Variants in ADGRL3 observed in about 807,000 individuals in gnomAD.
ADGRL3 encodes adhesion G protein-coupled receptor L3.
A neutral mutation model predicts 153.5 loss-of-function variants in ADGRL3; 62 were observed. The ratio of observed to expected loss-of-function variants is 0.40; its 90% CI spans 0.33 to 0.50. The LOEUF (loss-of-function observed/expected upper bound fraction) is 0.50, where lower values mean the gene tolerates loss of function less well. Among genes scored for constraint, ADGRL3 ranks in the 20% least tolerant of loss-of-function variants. ADGRL3 has a pLI of 0.47. For synonymous variants in ADGRL3, 710 were observed against 672.5 expected (o/e 1.06, Z -0.86); for missense variants, 1,641 against 1,859.4 (o/e 0.88, Z 2.16).
intron 1 of ADGRL3, among the ~76,000 whole-genome samples, chr4:61,326,121 C>A (rs2095458664): frequency 6.6e-6 from 1 of 151,998 alleles, no homozygotes; most frequent in Non-Finnish European, 1.5e-5. Flanking sequence ...TTACTCATTC[C>A]CTTGAGTGAG....
chr4:61,739,359 T>G (rs1370291692), intron 8 of ADGRL3, among the ~76,000 whole-genome samples: 1 of 151,726 alleles, frequency 6.6e-6, no homozygotes, highest in Non-Finnish European at 1.5e-5. Flanking sequence ...CAGGCTGGAG[T>G]GCAGTGCCAC....
intron 1 of ADGRL3, among the ~76,000 whole-genome samples, chr4:61,348,012 A>C (rs1228029106): frequency 6.6e-6 from 1 of 152,112 alleles, no homozygotes; most frequent in Non-Finnish European, 1.5e-5. Context: ...AAGGCAGACA[A>C]GGTGACTTGT....
intron 1 of ADGRL3, among the ~76,000 whole-genome samples, chr4:61,295,075 T>C (rs1206962582): frequency 6.6e-6 from 1 of 152,168 alleles, no homozygotes; most frequent in Admixed American, 6.6e-5. Flanking sequence ...AGTAGTGTGA[T>C]GAAATCTCAC....
chr4:61,218,345 C>G (rs1376737486), intron 1 of ADGRL3, among the ~76,000 whole-genome samples: 5 of 151,480 alleles, frequency 3.3e-5, no homozygotes, highest in Admixed American at 3.3e-4. Flanking sequence ...GCGTCTTGCT[C>G]TGTCACCCAG....
chr4:61,796,469 A>C (rs1401798541), intron 8 of ADGRL3, among the ~76,000 whole-genome samples: 1 of 152,176 alleles, frequency 6.6e-6, no homozygotes, highest in African/African-American at 2.4e-5. Flanking sequence ...CAGAAACTGA[A>C]GTCAGAGCTC....
At chr4:61,959,035 T>C (rs1358754715) in intron 17 of ADGRL3, among the ~76,000 whole-genome samples, 2 of 152,178 alleles carry the variant, frequency 1.3e-5, no homozygotes, top group Non-Finnish European at 2.9e-5. Context: ...GTAATGTAAT[T>C]GTATACTTAA....
intron 6 of ADGRL3, among the ~76,000 whole-genome samples, chr4:61,696,336 A>C (rs1041390662): frequency 6.6e-6 from 1 of 152,268 alleles, no homozygotes; most frequent in East Asian, 1.9e-4. Context: ...TTTCCTGCCC[A>C]GGAACTGGTA....
intron 5 of ADGRL3, among the ~76,000 whole-genome samples, chr4:61,626,457 C>G (rs2092835018): frequency 6.6e-6 from 1 of 151,878 alleles, no homozygotes; most frequent in African/African-American, 2.4e-5. Flanking sequence ...ATTTAATATC[C>G]TATTAGTACT....
intron 8 of ADGRL3, among the ~76,000 whole-genome samples, chr4:61,757,752 G>A (rs1481473525): frequency 6.6e-6 from 1 of 152,036 alleles, no homozygotes; most frequent in Admixed American, 6.6e-5. Context: ...TCTCTTGTGG[G>A]CATTTAGTGG....
chr4:61,504,604 C>A (rs2098415143), intron 3 of ADGRL3, among the ~76,000 whole-genome samples: 1 of 152,168 alleles, frequency 6.6e-6, no homozygotes, highest in African/African-American at 2.4e-5. Flanking sequence ...CTTATTCCCT[C>A]TACCTAACAG....
At chr4:61,280,625 A>G (rs531880645) in intron 1 of ADGRL3, among the ~76,000 whole-genome samples, 1 of 152,230 alleles carries the variant, frequency 6.6e-6, no homozygotes, top group East Asian at 1.9e-4. Flanking sequence ...TGAGAAAATT[A>G]TTTCAGAGTA....
intron 9 of ADGRL3, among the ~76,000 whole-genome samples, chr4:61,824,354 T>A (rs975756716): frequency 2.0e-5 from 3 of 152,134 alleles, no homozygotes; most frequent in African/African-American, 7.2e-5. Context: ...AAAATCATAC[T>A]GCAAAAAGAG....
In ADGRL3 at chr4:61,733,539, C is replaced by G; in HGVS notation, c.1384C>G (p.Leu462Val). ...GAAATATTCTTTGGATTTTGGACCT[C>G]TGGATAGTAGATCAGGTAAGTTCAA... ...VVKYSLDFGP[L>V]DSRSGQAHHG... Residue 462 changes from leucine (L) to valine (V), a missense_variant, in exon 8 of 27, where the codon CTG becomes GTG. Around this residue, in one of 5 missense-constraint regions of ADGRL3, gnomAD observed 734 missense variants for 797.0 expected, o/e 0.92. Transcript: ENST00000683033. 1 of 1,611,608 alleles carries G rather than the reference C, an allele frequency of 6.2e-7. No individual in the cohort carries two copies. The highest frequency in any genetic ancestry group is 8.5e-7 in the Non-Finnish European group (1 of 1,178,356).
rs58524193 is a variant in ADGRL3, at chr4:61,983,808, A to C, written c.3236+205A>C. ...CATGATGCTGTTTTAAAACAGCGTA[A>C]TTTTTCTACATCTACATCATAACCT... On this transcript the variant is annotated intron_variant, in intron 19 of 26. Transcript: ENST00000683033. Among the ~76,000 whole-genome samples the C allele has an allele frequency of 3.4e-4, 52 of 152,264 alleles. No individual in the cohort carries two copies. The East Asian group carries it at 7.7e-3, about 23-fold the overall frequency.
At chr4:61,775,513 T>C (rs1264311508) in intron 8 of ADGRL3, 4 of 754,052 alleles carry the variant, frequency 5.3e-6, no homozygotes, top group Admixed American at 3.4e-5. Context: ...GCCATAGTCC[T>C]TAACTACTGC....
chr4:61,731,510 T>A (rs1410887903), intron 7 of ADGRL3, among the ~76,000 whole-genome samples: 1 of 152,116 alleles, frequency 6.6e-6, no homozygotes, highest in Non-Finnish European at 1.5e-5. Flanking sequence ...TTCAGTGTGT[T>A]TGCTTTGCAA....
intron 5 of ADGRL3, among the ~76,000 whole-genome samples, chr4:61,651,459 T>C (rs1444021195): frequency 6.6e-6 from 1 of 152,228 alleles, no homozygotes; most frequent in Non-Finnish European, 1.5e-5. Context: ...TCCTTAGTTT[T>C]GAAAATATAT....
chr4:61,563,079 C>T (rs540219150), intron 4 of ADGRL3, among the ~76,000 whole-genome samples: 1 of 151,532 alleles, frequency 6.6e-6, no homozygotes, highest in African/African-American at 2.4e-5. Context: ...ATGTATATAA[C>T]ACTAAAATCT....
intron 1 of ADGRL3, among the ~76,000 whole-genome samples, chr4:61,280,995 C>T (rs1448122504): frequency 6.6e-6 from 1 of 151,880 alleles, no homozygotes; most frequent in African/African-American, 2.4e-5. Context: ...ATATAAAGCT[C>T]TGGAATATTA....
Sources: allele counts gnomAD v4.1 joint callset (sites outside exome capture counted in the v4.1 genomes callset), GRCh38; gene constraint gnomAD v4.1.1; regional missense constraint gnomAD v4.1.1; transcripts MANE v1.5; gene names NCBI Gene and HGNC (gene_info 2026-07-23, HGNC 2026-07-21).